Variants in NEDD9 observed in about 807,000 individuals in gnomAD.
NEDD9 encodes neural precursor cell expressed, developmentally down-regulated 9, also known as enhancer of filamentation 1.
In NEDD9, 26 loss-of-function variants were observed where a neutral mutation model predicts 76.6. That is an observed-to-expected ratio of 0.34 (90% confidence interval 0.25 to 0.47). NEDD9 has a LOEUF of 0.47. NEDD9 is among the 20% of genes least tolerant of loss of function. The pLI is 1.00. For missense variants in NEDD9, 937 were observed against 1,058.5 expected (o/e 0.89, Z 1.59); for synonymous variants, 392 against 414.2 (o/e 0.95, Z 0.65).
chr6:11,311,666 A>T (rs1237295534), intron 2 of NEDD9, among the ~76,000 whole-genome samples: 1 of 152,236 alleles, frequency 6.6e-6, no homozygotes, highest in Non-Finnish European at 1.5e-5. Flanking sequence ...GTAACATGTT[A>T]ATCACAGTGC....
chr6:11,302,768 A>G (rs1481475466), intron 3 of NEDD9, among the ~76,000 whole-genome samples: 1 of 152,220 alleles, frequency 6.6e-6, no homozygotes, highest in Non-Finnish European at 1.5e-5. Context: ...CAAAAACCAC[A>G]TGATCATCTC....
At chr6:11,374,574 A>C (rs1762941378) in intron 1 of NEDD9, among the ~76,000 whole-genome samples, 1 of 152,226 alleles carries the variant, frequency 6.6e-6, no homozygotes, top group South Asian at 2.1e-4. Flanking sequence ...CTAAAGGTTC[A>C]TGGACACTAC....
In NEDD9 at chr6:11,339,689, G is replaced by A. The variant is rs115175793; in HGVS notation, c.-213-5128C>T. Among the ~76,000 whole-genome samples the A allele has an allele frequency of 5.4e-3, 826 of 152,276 alleles. 8 individuals carry two copies. The highest frequency in any genetic ancestry group is 0.018 in the African/African-American group (766 of 41,554). On this transcript the variant is annotated intron_variant, in intron 1 of 3. Transcript: ENST00000397378. ...TCATTAATCACAACCTTTGATTAGC[G>A]TATTCATTGCCTTCCTGTGACCTGT...
intron 2 of NEDD9, among the ~76,000 whole-genome samples, chr6:11,195,788 A>T (rs1193084053): frequency 6.6e-6 from 1 of 152,224 alleles, no homozygotes; most frequent in Admixed American, 6.5e-5. Flanking sequence ...TAAGGTCAGG[A>T]GTTGGAGACC....
At chr6:11,292,976 G>A (rs969736642) in intron 3 of NEDD9, among the ~76,000 whole-genome samples, 4 of 152,194 alleles carry the variant, frequency 2.6e-5, no homozygotes, top group Non-Finnish European at 5.9e-5. Context: ...CCATGAACTA[G>A]ATTCATTAAG....
intron 2 of NEDD9, among the ~76,000 whole-genome samples, chr6:11,324,029 G>C (rs116635837): frequency 3.3e-5 from 5 of 152,190 alleles, no homozygotes; most frequent in Non-Finnish European, 7.3e-5. Flanking sequence ...CCACGCTGAG[G>C]AGCCACGTCC....
intron 3 of NEDD9, among the ~76,000 whole-genome samples, chr6:11,293,680 A>G (rs1760826583): frequency 6.6e-6 from 1 of 151,874 alleles, no homozygotes; most frequent in African/African-American, 2.4e-5. Flanking sequence ...AGTTTCAAGT[A>G]TATATTAAAT....
upstream of NEDD9, chr6:11,233,335 C>T (rs2113273958): frequency 1.9e-6 from 1 of 519,062 alleles, no homozygotes; most frequent in East Asian, 5.4e-5. Context: ...TCCTGGACAG[C>T]TTCTCACCAG....
At chr6:11,235,689 A>G (rs1581976190), upstream of NEDD9, among the ~76,000 whole-genome samples, 1 of 152,338 alleles carries the variant, frequency 6.6e-6, no homozygotes, top group East Asian at 1.9e-4. This position sits in a 1 kb window ranked among gnomAD's most constrained non-coding sequence, Gnocchi z 4.1. Flanking sequence ...GAATAGTTTC[A>G]GGGATCCAGC....
chr6:11,263,086 C>A (rs1446940094), intron 3 of NEDD9, among the ~76,000 whole-genome samples: 2 of 152,088 alleles, frequency 1.3e-5, no homozygotes, highest in Non-Finnish European at 2.9e-5. Flanking sequence ...ATAGTAATTG[C>A]ATTTTTGGTT....
rs145242770 is a variant in NEDD9 at position 11,348,318 on chromosome 6, A to G, written c.-213-13757T>C. ...ATAGAAAAATATTCCATACTCATAG[A>G]TAGAAAGAATCAACATCATTAAAAT... On this transcript the variant is annotated intron_variant, in intron 1 of 3. Coordinates refer to the NEDD9 transcript ENST00000397378. 5.3e-3 allele frequency among the ~76,000 whole-genome samples: 807 copies of G among 152,370 alleles called. 6 individuals carry two copies. Among genetic ancestry groups the G allele is most frequent in the South Asian group, 8.9e-3 (43 of 4,832 alleles).
chr6:11,300,430 A>C (rs1761018613), intron 3 of NEDD9, among the ~76,000 whole-genome samples: 1 of 152,234 alleles, frequency 6.6e-6, no homozygotes, highest in Non-Finnish European at 1.5e-5. Context: ...TCAAGTTGGA[A>C]AACACTCTTC....
chr6:11,239,506 T>C (rs1472320284), intron 3 of NEDD9, among the ~76,000 whole-genome samples: 1 of 152,164 alleles, frequency 6.6e-6, no homozygotes, highest in Non-Finnish European at 1.5e-5. Context: ...TAAACCTCTT[T>C]TATCTGTTGA....
chr6:11,346,924 G>A (rs1762375248), intron 1 of NEDD9, among the ~76,000 whole-genome samples: 1 of 152,138 alleles, frequency 6.6e-6, no homozygotes, highest in Non-Finnish European at 1.5e-5. Flanking sequence ...AGGTCAGCCA[G>A]CTTCTCCTGT....
rs1235878097 is a variant in NEDD9, at chr6:11,185,004, C to A, written c.*158G>T. 4 of 915,908 alleles carry A rather than the reference C, an allele frequency of 4.4e-6. No homozygotes were observed. The highest frequency in any genetic ancestry group is 6.3e-6 in the Non-Finnish European group (4 of 638,142). 56.7% of individuals were successfully genotyped at this position (915,908 alleles called of 1,614,324 possible). ...AAAAAAAAGATTTCCCTCTCCAGCT[C>A]CCTGAATTTCTGAAAGTTGACTGAC... On this transcript the variant is annotated 3_prime_UTR_variant, in exon 7 of 7. Coordinates refer to ENST00000379446, the MANE Select transcript of NEDD9 (RefSeq NM_006403.4).
At chr6:11,230,818 G>A (rs1478420264) in intron 1 of NEDD9, among the ~76,000 whole-genome samples, 1 of 152,172 alleles carries the variant, frequency 6.6e-6, no homozygotes, top group African/African-American at 2.4e-5. Context: ...CGCAGTTTAC[G>A]CTGTCAGTCA....
intron 3 of NEDD9, among the ~76,000 whole-genome samples, chr6:11,266,388 A>G (rs369865757): frequency 4.6e-5 from 7 of 152,220 alleles, no homozygotes; most frequent in African/African-American, 1.4e-4. Context: ...ACGTATTACA[A>G]TGCACAGGGC....
rs1762840352 is a variant in NEDD9 at position 11,370,415 on chromosome 6, G to A, written c.-214+11724C>T. Among the ~76,000 whole-genome samples the A allele has an allele frequency of 6.6e-6, 1 of 152,122 alleles. No individual in the cohort carries two copies. Among genetic ancestry groups the A allele is most frequent in the Non-Finnish European group, 1.5e-5 (1 of 68,024 alleles). On this transcript the variant is annotated intron_variant, in intron 1 of 3. Coordinates refer to the NEDD9 transcript ENST00000397378. The surrounding 1 kb of genome is among the most constrained non-coding windows in gnomAD (Gnocchi z 4.2). ...CTTTCCTGAGGAAAAGTCTGCCTTT[G>A]CCTACAGCACGCACACACGGCTGGA...
intron 1 of NEDD9, among the ~76,000 whole-genome samples, chr6:11,227,947 GCAAA>G (rs892040998): frequency 6.6e-6 from 1 of 152,036 alleles, no homozygotes; most frequent in Non-Finnish European, 1.5e-5. Flanking sequence ...TCATGTAAAC[GCAAA>G]CAGAGAGGCA....
Sources: gnomAD v4.1 joint callset for allele counts (sites outside exome capture counted in the v4.1 genomes callset) on GRCh38, gnomAD v4.1.1 for gene constraint, Gnocchi (gnomAD v3.1) non-coding constraint, MANE v1.5 for transcripts, NCBI Gene and HGNC (gene_info 2026-07-23, HGNC 2026-07-21) for gene names.